AFAP1: variants seen among roughly 807,000 people sequenced by gnomAD.
The protein encoded by AFAP1 is actin filament-associated protein 1.
In AFAP1, 75 loss-of-function variants were observed where a neutral mutation model predicts 93.9. The observed-to-expected ratio is 0.80, with a 90% CI of 0.66 to 0.97. The LOEUF is 0.97. Ranked by LOEUF, AFAP1 falls within the 50% of genes least tolerant of loss-of-function variation. The pLI, the probability that AFAP1 is intolerant of heterozygous loss-of-function variation, is 0.00. For missense variants in AFAP1, 1,201 were observed against 1,050.8 expected, an observed-to-expected ratio of 1.14 and a Z score of -1.98; for synonymous variants, 517 against 430.7, an observed-to-expected ratio of 1.20 and a Z score of -2.48.
chr4:7,797,915 G>A (rs1427181157), intron 10 of AFAP1, among the ~76,000 whole-genome samples: 1 of 152,240 alleles, frequency 6.6e-6, no homozygotes, highest in Non-Finnish European at 1.5e-5. Flanking sequence ...CACACGCAGG[G>A]CTGTGCAAGA....
intron 11 of AFAP1, among the ~76,000 whole-genome samples, chr4:7,792,345 C>CA (rs930645899): frequency 4.0e-5 from 6 of 151,858 alleles, no homozygotes; most frequent in Admixed American, 6.6e-5. Flanking sequence ...TATACAACAT[C>CA]AAAAAAAACT....
chr4:7,844,455 A>G (rs574040355), intron 4 of AFAP1, among the ~76,000 whole-genome samples: 2 of 152,166 alleles, frequency 1.3e-5, no homozygotes, highest in Admixed American at 6.5e-5. Context: ...GGCATTTGTC[A>G]CTGCGGCATG....
At chr4:7,784,154 G>A (rs2148990631) in intron 12 of AFAP1, among the ~76,000 whole-genome samples, 1 of 152,274 alleles carries the variant, frequency 6.6e-6, no homozygotes, top group Non-Finnish European at 1.5e-5. Flanking sequence ...GTGCTGTGGT[G>A]ACTGTGGGCA....
intron 1 of AFAP1, among the ~76,000 whole-genome samples, chr4:7,918,453 A>T (rs1240955703): frequency 6.9e-6 from 1 of 145,074 alleles, no homozygotes; most frequent in African/African-American, 2.6e-5. Context: ...GGCCCAGGTC[A>T]CCCACAAACA....
chr4:7,939,471 C>T lies in AFAP1; in HGVS notation c.-3+185G>A. The T allele has an allele frequency of 3.3e-6, 1 of 300,888 alleles. No individual in the cohort carries two copies. The highest frequency in any genetic ancestry group is 2.6e-5 in the South Asian group (1 of 39,156). 18.6% of individuals were successfully genotyped at this position (300,888 alleles called of 1,614,324 possible). On this transcript the variant is annotated intron_variant, in intron 1 of 17. Coordinates refer to ENST00000420658, the MANE Select transcript of AFAP1 (RefSeq NM_001134647.2). The surrounding 1 kb of genome is among the most constrained non-coding windows in gnomAD (Gnocchi z 5.6). ...GGACCGGCCCCCACCCGCAGGACGA[C>T]CGGGACCCCCGCGCGGGCCCACGCG...
chr4:7,883,325 T>C (rs1717958455), intron 1 of AFAP1, among the ~76,000 whole-genome samples: 1 of 152,000 alleles, frequency 6.6e-6, no homozygotes, highest in African/African-American at 2.4e-5. Flanking sequence ...CAAAATTTAA[T>C]AATCATTCCT....
chr4:7,889,171 G>A (rs961568546), intron 1 of AFAP1, among the ~76,000 whole-genome samples: 7 of 152,126 alleles, frequency 4.6e-5, no homozygotes, highest in African/African-American at 1.2e-4. Context: ...TTTACCCTTG[G>A]AATTCAAGGT....
At chr4:7,903,985 G>A (rs1490211597) in intron 1 of AFAP1, among the ~76,000 whole-genome samples, 1 of 151,622 alleles carries the variant, frequency 6.6e-6, no homozygotes, top group African/African-American at 2.4e-5. Flanking sequence ...TAAAATACAG[G>A]AAAATGTGTG....
chr4:7,837,047 A>C (rs1210017868), intron 6 of AFAP1, among the ~76,000 whole-genome samples: 1 of 152,216 alleles, frequency 6.6e-6, no homozygotes, highest in Non-Finnish European at 1.5e-5. Context: ...CACCAAAACC[A>C]CTGTCAAACC....
rs945826359 is a variant in AFAP1, at chr4:7,800,251, G to GA, written c.1266+190dup. Reference sequence around the variant, plus strand: ...GGTGCCGTCATTGTCGTATCTCCCAGAAAAAAAACTGAGGCAAGAAGTAAA... The same window carrying GA: ...GGTGCCGTCATTGTCGTATCTCCCAGAAAAAAAAACTGAGGCAAGAAGTAAA... On this transcript the variant is annotated intron_variant, in intron 10 of 17. Transcript: ENST00000420658. Among the ~76,000 whole-genome samples, 211 of 136,058 alleles carry GA rather than the reference G, an allele frequency of 1.6e-3. 3 individuals carry two copies. The highest frequency in any genetic ancestry group is 7.9e-5 in the Non-Finnish European group (5 of 63,268). The allele number at this position is 136,058 out of a possible 152,430, so 89.3% of individuals were successfully genotyped here.
chr4:7,933,311 A>T (rs1390468846), intron 1 of AFAP1, among the ~76,000 whole-genome samples: 1 of 152,214 alleles, frequency 6.6e-6, no homozygotes, highest in Non-Finnish European at 1.5e-5. Context: ...ACGGTGGCTC[A>T]CGCCTGTAAT....
intron 1 of AFAP1, among the ~76,000 whole-genome samples, chr4:7,884,521 CAGTCGGATCCAT>C (rs1038548874): frequency 1.3e-5 from 2 of 152,078 alleles, no homozygotes; most frequent in Non-Finnish European, 2.9e-5. Flanking sequence ...TTTAAATTCC[CAGTCGGATCCAT>C]AGAACAGAAT....
At chr4:7,932,773 G>A (rs1168245171) in intron 1 of AFAP1, among the ~76,000 whole-genome samples, 3 of 152,062 alleles carry the variant, frequency 2.0e-5, no homozygotes, top group Non-Finnish European at 2.9e-5. Context: ...TGTAATTCCA[G>A]CATTTTGGAA....
At chr4:7,900,487 C>T (rs545109128) in intron 1 of AFAP1, among the ~76,000 whole-genome samples, 3 of 152,320 alleles carry the variant, frequency 2.0e-5, no homozygotes, top group African/African-American at 7.2e-5. Flanking sequence ...CAAACTAAGT[C>T]GGCTGGACAG....
At chr4:7,930,490 G>A (rs1392472069) in intron 1 of AFAP1, among the ~76,000 whole-genome samples, 3 of 152,084 alleles carry the variant, frequency 2.0e-5, no homozygotes, top group Non-Finnish European at 4.4e-5. Context: ...ATCATACCTC[G>A]GTCTTTCTGG....
intron 1 of AFAP1, among the ~76,000 whole-genome samples, chr4:7,874,365 T>C (rs1188236922): frequency 7.9e-6 from 1 of 126,698 alleles, no homozygotes; most frequent in African/African-American, 3.0e-5. Flanking sequence ...TCTTTTTTTT[T>C]TTTTTTTTTT....
chr4:7,863,338 G>A (rs1715965008), intron 3 of AFAP1, among the ~76,000 whole-genome samples: 1 of 152,178 alleles, frequency 6.6e-6, no homozygotes, highest in South Asian at 2.1e-4. Context: ...AAAATTGCAT[G>A]AACCAGGGAA....
At chr4:7,880,635 G>A (rs62289351) in intron 1 of AFAP1, among the ~76,000 whole-genome samples, 36,248 of 152,052 alleles carry the variant, frequency 0.24, 4,823 homozygotes, top group Middle Eastern at 0.32. Context: ...AGGCGGCCTG[G>A]AGTCACAAAG....
At chr4:7,888,065 T>G (rs34701321) in intron 1 of AFAP1, among the ~76,000 whole-genome samples, 67,224 of 151,684 alleles carry the variant, frequency 0.44, 17,039 homozygotes, top group Non-Finnish European at 0.6. Context: ...GGCCTCAAGT[T>G]ATCTGCCCAC....
Sources: gnomAD v4.1 joint callset for allele counts (sites outside exome capture counted in the v4.1 genomes callset) on GRCh38, gnomAD v4.1.1 for gene constraint, Gnocchi (gnomAD v3.1) non-coding constraint, MANE v1.5 for transcripts, NCBI Gene and HGNC (gene_info 2026-07-23, HGNC 2026-07-21) for gene names.